Variants in PDIA5 observed in about 807,000 individuals in gnomAD.
PDIA5 encodes protein disulfide-isomerase A5.
A neutral mutation model predicts 77.6 loss-of-function variants in PDIA5; 58 were observed. The ratio of observed to expected loss-of-function variants is 0.75; its 90% CI spans 0.61 to 0.93. PDIA5 has a LOEUF of 0.93. PDIA5 is among the 40% of genes least tolerant of loss of function. The probability of loss-of-function intolerance (pLI) is 0.00; values close to 1 mark genes in which losing one functional copy is unlikely to be tolerated. For synonymous variants in PDIA5, 250 were observed against 252.1 expected, an observed-to-expected ratio of 0.99 and a Z score of 0.08; for missense variants, 630 against 647.7, an observed-to-expected ratio of 0.97 and a Z score of 0.30.
intron 1 of PDIA5, among the ~76,000 whole-genome samples, chr3:123,088,783 A>G (rs1934207941): frequency 6.6e-6 from 1 of 152,272 alleles, no homozygotes; most frequent in South Asian, 2.1e-4. Flanking sequence ...CAAATACAAT[A>G]TAAATGCTAA....
intron 8 of PDIA5, among the ~76,000 whole-genome samples, chr3:123,120,009 C>T (rs543518740): frequency 1.3e-5 from 2 of 152,282 alleles, no homozygotes; most frequent in East Asian, 1.9e-4. Flanking sequence ...GGTGACTCAT[C>T]GCGTCTGTCC....
intron 13 of PDIA5, among the ~76,000 whole-genome samples, chr3:123,148,554 G>T (rs1156645849): frequency 6.7e-6 from 1 of 149,326 alleles, no homozygotes; most frequent in Non-Finnish European, 1.5e-5. Flanking sequence ...CAGCAACAGA[G>T]TGAGACCCTG....
Position 123,161,443 on chromosome 3 carries a change from C to T in PDIA5, c.1467C>T (p.Asp489=), listed in dbSNP as rs775194851. The T allele has an allele frequency of 2.5e-6, 4 of 1,613,910 alleles. No individual in the cohort carries two copies. The South Asian group carries it at 4.4e-5, about 18-fold the overall frequency. The part of the protein sequence containing the change: ...YHYGKFAEKY[D]SDRTELGFTN... The stretch of plus-strand genomic sequence containing the variant: ...ATGGGAAGTTCGCAGAAAAGTATGA[C>T]AGCGACCGCACAGTAAGTGGGGGAG... Residue 489 remains aspartate, a synonymous_variant, in exon 16 of 17, where the codon GAC becomes GAT. Coordinates refer to ENST00000316218, the MANE Select transcript of PDIA5 (RefSeq NM_006810.4).
At chr3:123,072,929 T>TGTGTGTGTGTGTGTGTGC (rs1933762845) in intron 1 of PDIA5, among the ~76,000 whole-genome samples, 1 of 151,844 alleles carries the variant, frequency 6.6e-6, no homozygotes, top group South Asian at 2.1e-4. Flanking sequence ...TGTGTGTGTG[T>TGTGTGTGTGTGTGTGTGC]GTGTGTGTGT....
intron 15 of PDIA5, 86 bp downstream of exon 15, chr3:123,155,127 G>C: frequency 1.1e-6 from 1 of 947,020 alleles, no homozygotes; most frequent in Non-Finnish European, 1.7e-6. Flanking sequence ...TCCCCAAACA[G>C]GGGCAGGTCT....
chr3:123,156,523 T>G (rs1216661078), intron 15 of PDIA5, among the ~76,000 whole-genome samples: 1 of 152,170 alleles, frequency 6.6e-6, no homozygotes, highest in Non-Finnish European at 1.5e-5. Flanking sequence ...GGTCCCACGA[T>G]ATCCAGCATG....
At chr3:123,130,732 T>A in intron 11 of PDIA5, 116 bp downstream of exon 11, 1 of 1,198,694 alleles carries the variant, frequency 8.3e-7, no homozygotes, top group Non-Finnish European at 1.2e-6. Flanking sequence ...CCAGGACCCA[T>A]GCTAAGCCAG....
chr3:123,109,611 T>C (rs1419227330), intron 6 of PDIA5, among the ~76,000 whole-genome samples: 2 of 152,228 alleles, frequency 1.3e-5, no homozygotes, highest in Admixed American at 6.5e-5. Flanking sequence ...AAAAATTTAA[T>C]CTTTTTTTTA....
At chr3:123,113,259 GT>G (rs1553799932) in intron 7 of PDIA5, among the ~76,000 whole-genome samples, 1 of 152,178 alleles carries the variant, frequency 6.6e-6, no homozygotes, top group Non-Finnish European at 1.5e-5. Flanking sequence ...CGGCATCCGG[GT>G]GTAACCAGGC....
chr3:123,072,464 C>T (rs1347521739), intron 1 of PDIA5, among the ~76,000 whole-genome samples: 1 of 152,146 alleles, frequency 6.6e-6, no homozygotes, highest in Non-Finnish European at 1.5e-5. Context: ...AGGAGGTGGG[C>T]AAGGAAGGGC....
At chr3:123,092,467 G>A (rs1676050763) in intron 3 of PDIA5, 25 bp downstream of exon 3, 12 of 1,573,064 alleles carry the variant, frequency 7.6e-6, no homozygotes, top group Non-Finnish European at 1.1e-5. Flanking sequence ...CATGTGCCAT[G>A]GTGGCTGCTG....
At chr3:123,127,972 C>T (rs749912473) in intron 10 of PDIA5, among the ~76,000 whole-genome samples, 2 of 152,266 alleles carry the variant, frequency 1.3e-5, no homozygotes, top group East Asian at 1.9e-4. Flanking sequence ...CTGGGGTAGG[C>T]GGGGAGTGAA....
chr3:123,096,014 C>T (rs185658083), intron 3 of PDIA5, among the ~76,000 whole-genome samples: 25 of 152,200 alleles, frequency 1.6e-4, no homozygotes, highest in African/African-American at 4.6e-4. Context: ...TGGCTGTGGG[C>T]GTGTGCCTTC....
At chr3:123,091,497 C>T (rs1025487650) in intron 2 of PDIA5, among the ~76,000 whole-genome samples, 3 of 152,188 alleles carry the variant, frequency 2.0e-5, no homozygotes, top group Non-Finnish European at 2.9e-5. Context: ...GCCACAGCCA[C>T]TTTGCAGTGG....
chr3:123,094,552 C>G (rs1318537396), intron 3 of PDIA5, among the ~76,000 whole-genome samples: 2 of 152,232 alleles, frequency 1.3e-5, no homozygotes, highest in Non-Finnish European at 2.9e-5. Flanking sequence ...CATGGGGAGC[C>G]CCCGTGTCAG....
intron 10 of PDIA5, among the ~76,000 whole-genome samples, chr3:123,127,950 G>A (rs921468426): frequency 6.6e-6 from 1 of 152,208 alleles, no homozygotes; most frequent in African/African-American, 2.4e-5. Flanking sequence ...CAGTCTTCAA[G>A]GAGCTCACGG....
chr3:123,145,703 G>A, intron 12 of PDIA5, 111 bp downstream of exon 12: 1 of 831,282 alleles, frequency 1.2e-6, no homozygotes, highest in Non-Finnish European at 2.0e-6. Flanking sequence ...GGTCCGTGGA[G>A]GCCAGCAGTA....
intron 10 of PDIA5, among the ~76,000 whole-genome samples, chr3:123,125,213 T>A (rs1406326177): frequency 6.6e-6 from 1 of 152,266 alleles, no homozygotes. Flanking sequence ...CAGCCACTGC[T>A]GCTTCATGAG....
chr3:123,075,179 A>C (rs1933821187), intron 1 of PDIA5, among the ~76,000 whole-genome samples: 1 of 152,214 alleles, frequency 6.6e-6, no homozygotes, highest in African/African-American at 2.4e-5. Context: ...ACCTATTTGT[A>C]TGAGAATTAG....
Sources: allele counts gnomAD v4.1 joint callset (sites outside exome capture counted in the v4.1 genomes callset), GRCh38; gene constraint gnomAD v4.1.1; transcripts MANE v1.5; gene names NCBI Gene and HGNC (gene_info 2026-07-23, HGNC 2026-07-21).